The following CELF2 variants were observed in gnomAD, a reference collection of about 807,000 sequenced individuals.
CELF2 encodes the protein CUGBP Elav-like family member 2.
A neutral mutation model predicts 62.6 loss-of-function variants in CELF2; 8 were observed. The ratio of observed to expected loss-of-function variants is 0.13; its 90% CI spans 0.07 to 0.23. The LOEUF (loss-of-function observed/expected upper bound fraction) is 0.23. CELF2 is among the 10% of genes least tolerant of loss of function. The pLI is 1.00. For missense variants in CELF2, 333 were observed against 671.0 expected, an observed-to-expected ratio of 0.50 and a Z score of 5.56; for synonymous variants, 258 against 250.0, an observed-to-expected ratio of 1.03 and a Z score of -0.30.
chr10:11,162,802 A>G (rs1289670384), intron 1 of CELF2, among the ~76,000 whole-genome samples: 2 of 152,196 alleles, frequency 1.3e-5, no homozygotes, highest in Non-Finnish European at 2.9e-5. Flanking sequence ...TAACAGTAGG[A>G]ATAGCCGACA....
At position 11,098,181 on chromosome 10, in the gene CELF2, ATT is replaced by A. The variant is rs1006852448; in HGVS notation, c.75-67304_75-67303del. 1 of 152,372 alleles carries A rather than the reference ATT, an allele frequency of 6.6e-6. No homozygotes were observed. Among genetic ancestry groups the A allele is most frequent in the Non-Finnish European group, 1.5e-5 (1 of 68,170 alleles). The allele number at this position is 152,372 out of a possible 1,614,324, so 9.4% of individuals were successfully genotyped here. ...TGTGTTTCGTATGCCCATATTTTGGATTGGATGGACCAAGTGAAGGACAGTCT... is the reference window on the plus strand; with the variant it reads ...TGTGTTTCGTATGCCCATATTTTGGAGGATGGACCAAGTGAAGGACAGTCT... On this transcript the variant is annotated intron_variant, in intron 1 of 12. Transcript: ENST00000633077. The surrounding 1 kb of genome is among the most constrained non-coding windows in gnomAD (Gnocchi z 4.0).
the CELF2 span, among the ~76,000 whole-genome samples, chr10:10,627,436 G>A: frequency 6.6e-6 from 1 of 152,154 alleles, no homozygotes; most frequent in African/African-American, 2.4e-5. Context: ...CTGAGATCAG[G>A]GCAAGGAGAA....
chr10:11,237,891 G>T lies in CELF2; in HGVS notation c.355-11262G>T, dbSNP rs954446972. On this transcript the variant is annotated intron_variant, in intron 3 of 12. Coordinates refer to ENST00000633077, the MANE Select transcript of CELF2 (RefSeq NM_001326342.2). This position sits in a 1 kb window ranked among gnomAD's most constrained non-coding sequence, Gnocchi z 4.0. ...TGTTTGTCGGTATATGTTATTGAAA[G>T]TAATGGTAAAAACCACAATCACTTT... is the stretch of plus-strand genomic sequence containing the variant. 6.6e-6 allele frequency among the ~76,000 whole-genome samples: 1 copy of T among 152,244 alleles called. No homozygotes were observed. Among genetic ancestry groups the T allele is most frequent in the Non-Finnish European group, 1.5e-5 (1 of 68,042 alleles).
At chr10:10,734,323 T>G in the CELF2 span, among the ~76,000 whole-genome samples, 1 of 152,220 alleles carries the variant, frequency 6.6e-6, no homozygotes, top group Non-Finnish European at 1.5e-5. Context: ...GTTTCTTTCA[T>G]TTATGGGCTG....
At chr10:11,278,142 G>A (rs939327864) in intron 8 of CELF2, among the ~76,000 whole-genome samples, 1 of 152,154 alleles carries the variant, frequency 6.6e-6, no homozygotes, top group Non-Finnish European at 1.5e-5. Context: ...TAGACGACTG[G>A]ATCCTAAGTA....
the CELF2 span, among the ~76,000 whole-genome samples, chr10:10,686,313 G>GGGT: frequency 4.4e-5 from 3 of 68,648 alleles, no homozygotes; most frequent in African/African-American, 6.1e-5. Flanking sequence ...GATTTTTTGG[G>GGGT]GGGGGGGGTG....
intron 1 of CELF2, among the ~76,000 whole-genome samples, chr10:11,125,661 G>A (rs1747716): frequency 0.16 from 24,156 of 152,022 alleles, 3,207 homozygotes; most frequent in East Asian, 0.68. Flanking sequence ...CTGTTAGAGC[G>A]GTGATGGTAG....
At chr10:10,463,832 T>C in the CELF2 span, among the ~76,000 whole-genome samples, 279 of 152,274 alleles carry the variant, frequency 1.8e-3, 3 homozygotes, top group African/African-American at 6.4e-3. Flanking sequence ...CATTGTTCTT[T>C]GTAAACTGGT....
chr10:10,911,105 G>C (rs930632368), intron 1 of CELF2, among the ~76,000 whole-genome samples: 24 of 152,180 alleles, frequency 1.6e-4, no homozygotes, highest in Admixed American at 1.4e-3. Flanking sequence ...GTGGGTTTCT[G>C]AGCTGCGTCT....
chr10:10,927,229 ACTCT>A (rs2065569792), intron 2 of CELF2: 1 of 150,580 alleles, frequency 6.6e-6, no homozygotes, highest in Non-Finnish European at 1.5e-5. Flanking sequence ...TGCTAATGTG[ACTCT>A]CTATGTGGAA....
chr10:10,887,931 G>A (rs918491471), intron 1 of CELF2, among the ~76,000 whole-genome samples: 2 of 152,096 alleles, frequency 1.3e-5, no homozygotes, highest in East Asian at 1.9e-4. Flanking sequence ...GCCACCACAC[G>A]CGGCTAATTT....
At chr10:11,048,552 G>A (rs2063284070) in intron 1 of CELF2, among the ~76,000 whole-genome samples, 1 of 152,204 alleles carries the variant, frequency 6.6e-6, no homozygotes, top group Non-Finnish European at 1.5e-5. Flanking sequence ...TCCCGTGTAA[G>A]GAATATATTG....
chr10:10,853,385 AG>A (rs1312605289), intron 1 of CELF2, among the ~76,000 whole-genome samples: 1 of 152,074 alleles, frequency 6.6e-6, no homozygotes, highest in African/African-American at 2.4e-5. Flanking sequence ...GTGGGCAGGT[AG>A]GGGGGCAGTT....
chr10:10,728,549 C>T, the CELF2 span, among the ~76,000 whole-genome samples: 2 of 151,822 alleles, frequency 1.3e-5, no homozygotes, highest in Admixed American at 1.3e-4. Context: ...GGCACTGTGC[C>T]AGCTGCTCTG....
At chr10:10,952,142 A>G (rs1299747918) in intron 2 of CELF2, 1 of 152,234 alleles carries the variant, frequency 6.6e-6, no homozygotes, top group African/African-American at 2.4e-5. Context: ...GTATCTTCAG[A>G]TCTTTTCAAA....
the CELF2 span, among the ~76,000 whole-genome samples, chr10:10,591,655 T>C: frequency 6.6e-6 from 1 of 152,230 alleles, no homozygotes; most frequent in South Asian, 2.1e-4. Flanking sequence ...TCTGTTTCCC[T>C]TCTCTGTTAA....
At chr10:10,686,699 G>A in the CELF2 span, among the ~76,000 whole-genome samples, 11 of 152,124 alleles carry the variant, frequency 7.2e-5, no homozygotes, top group East Asian at 3.9e-4. Flanking sequence ...TTCACCTTCC[G>A]CCATGATCGT....
chr10:10,646,636 C>T, the CELF2 span, among the ~76,000 whole-genome samples: 501 of 152,248 alleles, frequency 3.3e-3, 4 homozygotes, highest in African/African-American at 0.012. Flanking sequence ...GAATATTTAT[C>T]CAAATCTAGT....
the CELF2 span, among the ~76,000 whole-genome samples, chr10:10,529,683 C>CAAAAAA: frequency 1.5e-5 from 1 of 65,458 alleles, no homozygotes; most frequent in African/African-American, 6.4e-5. Flanking sequence ...GACTCCATCT[C>CAAAAAA]AAAAAAAAAA....
Sources: gnomAD v4.1 joint callset for allele counts (sites outside exome capture counted in the v4.1 genomes callset) on GRCh38, gnomAD v4.1.1 for gene constraint, Gnocchi (gnomAD v3.1) non-coding constraint, MANE v1.5 for transcripts, NCBI Gene and HGNC (gene_info 2026-07-23, HGNC 2026-07-21) for gene names.